ADCY8: variants seen among roughly 807,000 people sequenced by gnomAD.
ADCY8 encodes the protein adenylate cyclase 8.
A neutral mutation model predicts 119.7 loss-of-function variants in ADCY8; 51 were observed. The ratio of observed to expected loss-of-function variants is 0.43; its 90% CI spans 0.34 to 0.54. The LOEUF is 0.54. ADCY8 is among the 20% of genes least tolerant of loss of function. The pLI, the probability that ADCY8 is intolerant of heterozygous loss-of-function variation, is 0.03. For synonymous variants in ADCY8, 665 were observed against 651.0 expected (o/e 1.02, Z -0.33); for missense variants, 1,383 against 1,598.8 (o/e 0.87, Z 2.30).
chr8:130,787,310 A>G (rs1305981453), intron 15 of ADCY8, among the ~76,000 whole-genome samples: 1 of 152,140 alleles, frequency 6.6e-6, no homozygotes, highest in South Asian at 2.1e-4. Flanking sequence ...TTAGGGATGG[A>G]GTCAGATATA....
chr8:130,984,321 A>G (rs776312010), intron 2 of ADCY8, among the ~76,000 whole-genome samples: 11 of 152,184 alleles, frequency 7.2e-5, no homozygotes, highest in Non-Finnish European at 1.3e-4. Context: ...GAGAATGTAT[A>G]TACAATGACT....
At chr8:130,823,293 C>T (rs1455390720) in intron 12 of ADCY8, among the ~76,000 whole-genome samples, 1 of 152,102 alleles carries the variant, frequency 6.6e-6, no homozygotes, top group African/African-American at 2.4e-5. Flanking sequence ...GAAAAAACAG[C>T]CTGAGCACAG....
chr8:130,855,211 A>G (rs1817688705), intron 9 of ADCY8, among the ~76,000 whole-genome samples: 2 of 151,924 alleles, frequency 1.3e-5, no homozygotes, highest in South Asian at 4.2e-4. Context: ...CTGCCAAAAA[A>G]AATCCATGAC....
chr8:130,978,551 T>C lies in ADCY8; in HGVS notation c.1110+11842A>G, dbSNP rs576980193. On this transcript the variant is annotated intron_variant, in intron 2 of 17. Coordinates refer to ENST00000286355, the MANE Select transcript of ADCY8 (RefSeq NM_001115.3). ...ACTCATTTGATACAGTGTTAGTGAA[T>C]GTTTAAATATCAGGATAGATATTAT... 9.8e-4 allele frequency among the ~76,000 whole-genome samples: 149 copies of C among 152,328 alleles called. 1 individual carries two copies. The highest frequency in any genetic ancestry group is 9.8e-4 in the Admixed American group (15 of 15,298).
chr8:130,909,175 A>T (rs373637260), intron 6 of ADCY8, among the ~76,000 whole-genome samples: 2 of 152,190 alleles, frequency 1.3e-5, no homozygotes, highest in Non-Finnish European at 2.9e-5. Context: ...CAAGACTTAC[A>T]TTAGTTGCAG....
chr8:130,966,904 T>C (rs993565330), intron 2 of ADCY8, among the ~76,000 whole-genome samples: 1 of 152,246 alleles, frequency 6.6e-6, no homozygotes, highest in Non-Finnish European at 1.5e-5. Context: ...CTGGCAAGCC[T>C]GCTCTATTTT....
intron 2 of ADCY8, among the ~76,000 whole-genome samples, chr8:130,968,423 G>T (rs540714061): frequency 6.6e-6 from 1 of 152,014 alleles, no homozygotes; most frequent in Admixed American, 6.6e-5. Flanking sequence ...TGCCTGCCTC[G>T]GCCTCCCAAA....
At chr8:130,992,721 A>G (rs1008136636) in intron 1 of ADCY8, among the ~76,000 whole-genome samples, 1 of 152,074 alleles carries the variant, frequency 6.6e-6, no homozygotes, top group Non-Finnish European at 1.5e-5. Context: ...AGCCAAAAAA[A>G]AATTTTTAAA....
intron 9 of ADCY8, among the ~76,000 whole-genome samples, chr8:130,855,748 T>G (rs1817710882): frequency 6.6e-6 from 1 of 152,148 alleles, no homozygotes; most frequent in Admixed American, 6.5e-5. Context: ...CCAGTCACTG[T>G]GAACCGTCAA....
At chr8:131,022,346 C>A (rs1468364181) in intron 1 of ADCY8, among the ~76,000 whole-genome samples, 1 of 152,106 alleles carries the variant, frequency 6.6e-6, no homozygotes, top group East Asian at 1.9e-4. Context: ...TTGCTCAACT[C>A]CCACTTATGA....
At chr8:130,784,353 G>T (rs1815184940) in intron 16 of ADCY8, among the ~76,000 whole-genome samples, 1 of 152,154 alleles carries the variant, frequency 6.6e-6, no homozygotes, top group Admixed American at 6.5e-5. Flanking sequence ...GGGAAGTGCT[G>T]CATAAGCCTC....
chr8:131,009,453 G>A (rs1823231299), intron 1 of ADCY8, among the ~76,000 whole-genome samples: 1 of 152,182 alleles, frequency 6.6e-6, no homozygotes, highest in Admixed American at 6.5e-5. Context: ...ACATCTGATG[G>A]TTTTATAAGC....
At chr8:130,798,926 TACAC>T (rs1214880507) in intron 15 of ADCY8, among the ~76,000 whole-genome samples, 2 of 151,684 alleles carry the variant, frequency 1.3e-5, no homozygotes, top group African/African-American at 4.8e-5. Context: ...CATACACATA[TACAC>T]ACACACAGTG....
At chr8:130,965,770 AT>A (rs1821744282) in intron 2 of ADCY8, among the ~76,000 whole-genome samples, 1 of 152,144 alleles carries the variant, frequency 6.6e-6, no homozygotes, top group Non-Finnish European at 1.5e-5. Context: ...TAAATTTATC[AT>A]TTTATGTTTA....
rs116184834 is a variant in ADCY8, at chr8:130,902,604, C to A, written c.1911+1168G>T. Reference sequence around the variant, plus strand: ...ACAGCCTAGTCTCAGAGTGCCCCATCAAACTTTCAAATGCAGAAAAAAGAG... The same window carrying A: ...ACAGCCTAGTCTCAGAGTGCCCCATAAAACTTTCAAATGCAGAAAAAAGAG... On this transcript the variant is annotated intron_variant, in intron 7 of 17. Transcript: ENST00000286355. 6.3e-3 allele frequency among the ~76,000 whole-genome samples: 955 copies of A among 152,274 alleles called. 16 individuals are homozygous for A. The highest frequency in any genetic ancestry group is 0.022 in the African/African-American group (896 of 41,548).
chr8:130,946,426 A>AT (rs1016407270), intron 3 of ADCY8, among the ~76,000 whole-genome samples: 20 of 152,268 alleles, frequency 1.3e-4, no homozygotes, highest in Middle Eastern at 3.4e-3. Flanking sequence ...CCTGGTATAG[A>AT]TTTTTCCCCC....
intron 6 of ADCY8, 85 bp downstream of exon 6, chr8:130,909,623 T>G: frequency 3.3e-6 from 5 of 1,518,400 alleles, no homozygotes; most frequent in Non-Finnish European, 4.5e-6. Context: ...GATCTAACCC[T>G]GAATTTCTGT....
intron 1 of ADCY8, chr8:130,990,907 A>C (rs73348587): frequency 0.027 from 4,365 of 162,320 alleles, 83 homozygotes; most frequent in African/African-American, 0.042. Context: ...ATCTGGTGGG[A>C]ATAAAAAGAA....
intron 5 of ADCY8, among the ~76,000 whole-genome samples, chr8:130,927,871 G>A (rs1213736643): frequency 6.6e-6 from 1 of 152,126 alleles, no homozygotes; most frequent in Non-Finnish European, 1.5e-5. Context: ...GGACATCCCT[G>A]TCTTTTTTCA....
Sources: allele counts gnomAD v4.1 joint callset (sites outside exome capture counted in the v4.1 genomes callset), GRCh38; gene constraint gnomAD v4.1.1; transcripts MANE v1.5; gene names NCBI Gene and HGNC (gene_info 2026-07-23, HGNC 2026-07-21).